Variants in EPRS1 observed in about 807,000 individuals in gnomAD.
The protein encoded by EPRS1 is bifunctional glutamate/proline--tRNA ligase.
In EPRS1, 107 loss-of-function variants were observed where a neutral mutation model predicts 188.3. That is an observed-to-expected ratio of 0.57 (90% CI 0.49 to 0.67). The LOEUF is 0.67. EPRS1 is among the 30% of genes least tolerant of loss of function. The pLI is 0.00. For missense variants in EPRS1, 1,577 were observed against 1,802.2 expected, an observed-to-expected ratio of 0.88 and a Z score of 2.26; for synonymous variants, 596 against 593.1, an observed-to-expected ratio of 1.00 and a Z score of -0.07.
intron 2 of EPRS1, among the ~76,000 whole-genome samples, chr1:220,038,367 C>A (rs921619017): frequency 3.0e-4 from 45 of 150,622 alleles, no homozygotes; most frequent in Admixed American, 4.0e-4. Flanking sequence ...AAGGCCTAAG[C>A]CACCACACCC....
intron 1 of EPRS1, among the ~76,000 whole-genome samples, chr1:220,041,184 T>G (rs1662287131): frequency 6.6e-6 from 1 of 151,726 alleles, no homozygotes; most frequent in African/African-American, 2.4e-5. Context: ...ATACAAAAAT[T>G]AGCTAGGCAT....
At position 220,039,055 on chromosome 1, in the gene EPRS1, G is replaced by A. The variant is rs1662244276; in HGVS notation, c.131+1130C>T. ...TCCCTCTCTATATGATGGGGGAAGT[G>A]GGCATGTTGGGTTGTGAAAGGAAAC... On this transcript the variant is annotated intron_variant, in intron 2 of 31. Coordinates refer to ENST00000366923, the MANE Select transcript of EPRS1 (RefSeq NM_004446.3). Among the ~76,000 whole-genome samples, 3 of 152,286 alleles carry A rather than the reference G, an allele frequency of 2.0e-5. No individual in the cohort carries two copies. In the South Asian group the frequency reaches 6.2e-4, roughly 32 times the overall value.
chr1:219,991,423 G>A (rs1188159326), intron 18 of EPRS1, among the ~76,000 whole-genome samples: 2 of 152,006 alleles, frequency 1.3e-5, no homozygotes, highest in Non-Finnish European at 2.9e-5. Context: ...ATCTACACAC[G>A]TTGGTAATGA....
chr1:220,017,465 A>T (rs1661743876), intron 12 of EPRS1, among the ~76,000 whole-genome samples: 3 of 152,232 alleles, frequency 2.0e-5, no homozygotes, highest in Non-Finnish European at 2.9e-5. Context: ...TTGCCAGCAA[A>T]TTCTACTCAT....
chr1:220,030,473 T>G lies in EPRS1; in HGVS notation c.536A>C (p.Glu179Ala), dbSNP rs1440003977. ...AAATTTCCCAACATCTTGCTTTTTC[T>G]CAGGTGCCTGAAAAACACAACCACC... ...VSTTKARVAP[E>A]KKQDVGKFVE... The change falls in exon 6 of 32, where the codon GAG becomes GCG. Residue 179 changes from glutamate to alanine, a missense_variant. By Grantham distance (107) the Glu-to-Ala change is moderately radical. This residue lies in a region of EPRS1 where 1,278 missense variants were observed against 1,457.4 expected (regional missense o/e 0.88). Transcript: ENST00000366923. 7 of 1,613,748 alleles carry G rather than the reference T, an allele frequency of 4.3e-6. No individual in the cohort carries two copies. Among genetic ancestry groups the G allele is most frequent in the Non-Finnish European group, 5.9e-6 (7 of 1,179,674 alleles).
At chr1:220,040,094 T>G in intron 2 of EPRS1, 91 bp downstream of exon 2, 1 of 813,948 alleles carries the variant, frequency 1.2e-6, no homozygotes, top group Non-Finnish European at 2.0e-6. Context: ...CATGCCAGCC[T>G]GGGCAAAAGA....
At position 220,007,266 on chromosome 1, in the gene EPRS1, A is replaced by G; in HGVS notation, c.1678T>C (p.Phe560Leu). The G allele has an allele frequency of 6.2e-7, 1 of 1,613,934 alleles. No homozygotes were observed. Among genetic ancestry groups the G allele is most frequent in the Non-Finnish European group, 8.5e-7 (1 of 1,179,848 alleles). ...AATGTAACCATCTCACCCTCCGAAA[A>G]AGTCTCTGCATCAGCACCTTCAATG... Reference protein sequence around the residue: ...VFIEGADAETFSEGEMVTFIN... With the variant: ...VFIEGADAETLSEGEMVTFIN... Residue 560 changes from phenylalanine (F) to leucine (L), a missense_variant, in exon 14 of 32, where the codon TTT becomes CTT. Phe to Leu is a conservative substitution (Grantham distance 22, BLOSUM62 0). Around this residue, in one of 3 missense-constraint regions of EPRS1, gnomAD observed 1,278 missense variants for 1,457.4 expected, o/e 0.88. Transcript: ENST00000366923.
At chr1:220,008,121 A>C (rs1174733396) in intron 13 of EPRS1, among the ~76,000 whole-genome samples, 2 of 6,302 alleles carry the variant, frequency 3.2e-4, no homozygotes, top group African/African-American at 8.5e-4. Flanking sequence ...AAAAAAAAAA[A>C]AAAAAAAAAA....
intron 28 of EPRS1, 39 bp downstream of exon 28, chr1:219,978,507 G>A: frequency 6.9e-7 from 1 of 1,446,256 alleles, no homozygotes; most frequent in Non-Finnish European, 9.3e-7. Flanking sequence ...AACTCAAATT[G>A]CAGATGTTGG....
intron 1 of EPRS1, among the ~76,000 whole-genome samples, chr1:220,044,711 A>AAAAAAAAAAAAAAAAAAAAAAAAAAT (rs1558064845): frequency 8.0e-6 from 1 of 124,896 alleles, no homozygotes; most frequent in Non-Finnish European, 1.7e-5. Context: ...AAAAAAAAAA[A>AAAAAAAAAAAAAAAAAAAAAAAAAAT]AACAGTATCA....
rs1350952033 is a variant in EPRS1 at position 219,978,713 on chromosome 1, T to C, written c.3916A>G (p.Ile1306Val). 2 of 1,609,214 alleles carry C rather than the reference T, an allele frequency of 1.2e-6. No homozygotes were observed. Among genetic ancestry groups the C allele is most frequent in the South Asian group, 1.1e-5 (1 of 90,356 alleles). Reference sequence around the variant, plus strand: ...GCATTGGTAATGCCACAAGGAATAATCACCACCTAGAATCAGCACAATGTC... The same window carrying C: ...GCATTGGTAATGCCACAAGGAATAACCACCACCTAGAATCAGCACAATGTC... ...PPRVACVQVV[I>V]IPCGITNALS... The change falls in exon 28 of 32, where the codon ATT becomes GTT. Residue 1306 changes from isoleucine (I) to valine (V), a missense_variant. This residue lies in a region of EPRS1 where 296 missense variants were observed against 327.9 expected (regional missense o/e 0.90). Transcript: ENST00000366923.
chr1:220,008,803 A>G (rs895920294), intron 13 of EPRS1, among the ~76,000 whole-genome samples: 7 of 152,068 alleles, frequency 4.6e-5, no homozygotes, highest in African/African-American at 4.8e-5. Context: ...TGATCCACCT[A>G]CCTCTGAGAT....
At chr1:219,979,713 C>A in intron 26 of EPRS1, 98 bp from the exon 27 acceptor site, 1 of 762,580 alleles carries the variant, frequency 1.3e-6, no homozygotes, top group South Asian at 1.8e-5. Flanking sequence ...TGGCACTACA[C>A]TTTTTTTCTC....
chr1:220,015,747 G>A (rs764074946), intron 12 of EPRS1, among the ~76,000 whole-genome samples: 1 of 151,436 alleles, frequency 6.6e-6, no homozygotes, highest in Non-Finnish European at 1.5e-5. Context: ...GCTGGACTGA[G>A]TCTCCAAAGA....
intron 28 of EPRS1, among the ~76,000 whole-genome samples, chr1:219,975,070 G>C (rs1050880451): frequency 6.6e-6 from 1 of 152,202 alleles, no homozygotes. Context: ...ATGAAAGTCT[G>C]AGGAACTACT....
intron 20 of EPRS1, among the ~76,000 whole-genome samples, chr1:219,985,141 G>A (rs149200257): frequency 2.0e-4 from 31 of 151,974 alleles, no homozygotes; most frequent in Non-Finnish European, 3.2e-4. Context: ...AAAGCCAAAT[G>A]TAACAAAAGC....
chr1:220,046,389 C>G lies in EPRS1; in HGVS notation c.-1G>C. ...TCACGGTCAGAGAGAGCGTCGCCAT[C>G]TCCACCAGTCCGCTGGTCCACCTGT... On this transcript the variant is annotated 5_prime_UTR_variant, in exon 1 of 32. Coordinates refer to ENST00000366923, the MANE Select transcript of EPRS1 (RefSeq NM_004446.3). The G allele has an allele frequency of 2.5e-6, 4 of 1,613,938 alleles. No homozygotes were observed. Among genetic ancestry groups the G allele is most frequent in the Middle Eastern group, 3.3e-4 (2 of 6,060 alleles).
At chr1:219,979,826 C>G (rs1480353234) in intron 26 of EPRS1, among the ~76,000 whole-genome samples, 2 of 152,096 alleles carry the variant, frequency 1.3e-5, no homozygotes, top group African/African-American at 4.8e-5. Context: ...TTGCTCTGGG[C>G]AGCCCCTTTT....
intron 1 of EPRS1, among the ~76,000 whole-genome samples, chr1:220,042,813 C>A (rs1157323974): frequency 6.7e-6 from 1 of 150,236 alleles, no homozygotes; most frequent in Non-Finnish European, 1.5e-5. Context: ...CCCAGCTACT[C>A]GGGAGGCTGA....
Sources: allele counts gnomAD v4.1 joint callset (sites outside exome capture counted in the v4.1 genomes callset), GRCh38; gene constraint gnomAD v4.1.1; regional missense constraint gnomAD v4.1.1; transcripts MANE v1.5; gene names NCBI Gene and HGNC (gene_info 2026-07-23, HGNC 2026-07-21).